The following PCDH15 variants were observed in gnomAD, a reference collection of about 807,000 sequenced individuals.
PCDH15 encodes the protein protocadherin-15.
A neutral mutation model predicts 178.5 loss-of-function variants in PCDH15; 129 were observed. That is an observed-to-expected ratio of 0.72 (90% CI 0.63 to 0.84). The LOEUF is 0.84. Ranked by LOEUF, PCDH15 falls within the 40% of genes least tolerant of loss-of-function variation. The pLI, the probability that PCDH15 is intolerant of heterozygous loss-of-function variation, is 0.00. For missense variants in PCDH15, 2,230 were observed against 2,099.9 expected (o/e 1.06, Z -1.21); for synonymous variants, 800 against 732.0 (o/e 1.09, Z -1.50).
At chr10:54,667,877 G>C (rs1251225788) in intron 1 of PCDH15, among the ~76,000 whole-genome samples, 1 of 151,970 alleles carries the variant, frequency 6.6e-6, no homozygotes, top group Non-Finnish European at 1.5e-5. Context: ...TTTTGCAATC[G>C]TGACTTAGAA....
At chr10:55,152,148 C>A (rs548840381) in intron 2 of PCDH15, among the ~76,000 whole-genome samples, 4 of 152,072 alleles carry the variant, frequency 2.6e-5, no homozygotes, top group African/African-American at 9.6e-5. Context: ...CAGATGGGTG[C>A]CAAAATTCAG....
At chr10:54,144,244 T>C (rs1029888124) in intron 14 of PCDH15, among the ~76,000 whole-genome samples, 1 of 152,038 alleles carries the variant, frequency 6.6e-6, no homozygotes, top group Non-Finnish European at 1.5e-5. Flanking sequence ...AGTTTCCCCA[T>C]GATTGAAAAT....
chr10:54,927,105 C>T (rs140612561), intron 2 of PCDH15, among the ~76,000 whole-genome samples: 1 of 151,920 alleles, frequency 6.6e-6, no homozygotes, highest in Non-Finnish European at 1.5e-5. Context: ...TTAACACTGC[C>T]TTAGCTGTGT....
chr10:55,436,644 A>G (rs891155781), intron 2 of PCDH15, among the ~76,000 whole-genome samples: 14 of 152,274 alleles, frequency 9.2e-5, no homozygotes, highest in African/African-American at 3.1e-4. Flanking sequence ...ACTCCATCCT[A>G]TTGAGTTATA....
chr10:55,622,296 A>ATAATT (rs1837423390), intron 2 of PCDH15, among the ~76,000 whole-genome samples: 1 of 150,878 alleles, frequency 6.6e-6, no homozygotes, highest in Non-Finnish European at 1.5e-5. Context: ...GGCATAAGCC[A>ATAATT]CTGCGCCTGG....
chr10:54,354,608 G>A (rs1000659277), intron 5 of PCDH15, among the ~76,000 whole-genome samples: 19 of 152,058 alleles, frequency 1.2e-4, no homozygotes. Context: ...AAGGCCCAGT[G>A]ATTTTTATTC....
At chr10:54,505,615 G>C (rs1051473075) in intron 3 of PCDH15, among the ~76,000 whole-genome samples, 1 of 152,000 alleles carries the variant, frequency 6.6e-6, no homozygotes, top group African/African-American at 2.4e-5. Flanking sequence ...ATGGAAACAG[G>C]GAGGGGAACA....
At chr10:54,250,395 G>T (rs2056380272) in intron 8 of PCDH15, among the ~76,000 whole-genome samples, 2 of 145,738 alleles carry the variant, frequency 1.4e-5, no homozygotes, top group African/African-American at 5.1e-5. Flanking sequence ...CCATTCTCCT[G>T]CTTCAGCCTG....
intron 1 of PCDH15, among the ~76,000 whole-genome samples, chr10:55,274,351 T>C (rs1335212337): frequency 6.6e-6 from 1 of 152,066 alleles, no homozygotes; most frequent in Non-Finnish European, 1.5e-5. Context: ...TTGTTTGTTT[T>C]GGTCATTAAA....
chr10:54,271,920 C>T (rs2058069302), intron 8 of PCDH15, among the ~76,000 whole-genome samples: 1 of 148,914 alleles, frequency 6.7e-6, no homozygotes, highest in Admixed American at 6.8e-5. Context: ...TGTTTGTCAT[C>T]CTTAGAGCCA....
chr10:54,313,530 C>G (rs2061036597), intron 8 of PCDH15, among the ~76,000 whole-genome samples: 1 of 151,972 alleles, frequency 6.6e-6, no homozygotes, highest in East Asian at 1.9e-4. Context: ...CCAACTTAAC[C>G]CAGGCTGCCA....
intron 3 of PCDH15, 27 bp downstream of exon 3, chr10:54,527,785 C>T (rs1589905983): frequency 4.5e-6 from 7 of 1,558,728 alleles, no homozygotes; most frequent in African/African-American, 1.4e-5. Flanking sequence ...TTAGATAAGA[C>T]ATTTGTAAAA....
At chr10:55,513,168 T>C (rs1840927871) in intron 2 of PCDH15, 1 of 152,118 alleles carries the variant, frequency 6.6e-6, no homozygotes. Flanking sequence ...ACAGTCCACA[T>C]TCATAGAAAT....
At chr10:55,412,916 C>T (rs796266149) in intron 2 of PCDH15, among the ~76,000 whole-genome samples, 11 of 149,926 alleles carry the variant, frequency 7.3e-5, no homozygotes, top group African/African-American at 2.7e-4. Context: ...CACACACACA[C>T]ACACGGCAAA....
At chr10:54,629,663 C>A (rs1273055894) in intron 2 of PCDH15, among the ~76,000 whole-genome samples, 1 of 152,008 alleles carries the variant, frequency 6.6e-6, no homozygotes, top group Non-Finnish European at 1.5e-5. Flanking sequence ...TGGAAGCATA[C>A]CCCTTGGGAA....
At chr10:54,219,616 A>T (rs1445861972) in intron 9 of PCDH15, among the ~76,000 whole-genome samples, 2 of 145,892 alleles carry the variant, frequency 1.4e-5, no homozygotes, top group Non-Finnish European at 3.0e-5. Flanking sequence ...AAAAAAAAAA[A>T]GAGACTTAGG....
intron 2 of PCDH15, among the ~76,000 whole-genome samples, chr10:55,118,776 T>C (rs1165073288): frequency 2.0e-5 from 3 of 152,352 alleles, no homozygotes; most frequent in Non-Finnish European, 2.9e-5. Context: ...TGAAAGAATC[T>C]GTTGTGAACT....
intron 2 of PCDH15, among the ~76,000 whole-genome samples, chr10:54,974,055 TCTCACACA>T (rs1177320939): frequency 3.4e-5 from 5 of 147,720 alleles, no homozygotes; most frequent in Admixed American, 1.4e-4. Flanking sequence ...TCTCTCTCTC[TCTCACACA>T]CACACACACA....
intron 2 of PCDH15, among the ~76,000 whole-genome samples, chr10:54,651,540 A>G (rs561689486): frequency 1.3e-5 from 2 of 152,282 alleles, no homozygotes; most frequent in East Asian, 1.9e-4. Context: ...CTTTAAATCC[A>G]TGGGGGAATG....
Sources: gnomAD v4.1 joint callset for allele counts (sites outside exome capture counted in the v4.1 genomes callset) on GRCh38, gnomAD v4.1.1 for gene constraint, MANE v1.5 for transcripts, NCBI Gene and HGNC (gene_info 2026-07-23, HGNC 2026-07-21) for gene names.